PPFIA2: variants seen among roughly 807,000 people sequenced by gnomAD.
The protein encoded by PPFIA2 is PPFI scaffold protein A2, also known as liprin-alpha-2.
In PPFIA2, 46 loss-of-function variants were observed where a neutral mutation model predicts 175.5. That is an observed-to-expected ratio of 0.26 (90% CI 0.21 to 0.34). PPFIA2 has a LOEUF of 0.34. Ranked by LOEUF, PPFIA2 falls within the 10% of genes least tolerant of loss-of-function variation. PPFIA2 has a pLI of 1.00. For missense variants in PPFIA2, 1,179 were observed against 1,506.1 expected (o/e 0.78, Z 3.60); for synonymous variants, 568 against 511.4 (o/e 1.11, Z -1.49).
At chr12:81,482,565 G>A (rs139491693) in intron 4 of PPFIA2, among the ~76,000 whole-genome samples, 96 of 152,194 alleles carry the variant, frequency 6.3e-4, no homozygotes, top group African/African-American at 2.2e-3. Context: ...CCATAAAAAC[G>A]GATGAGTTCA....
Position 81,648,774 on chromosome 12 carries a change from T to C in PPFIA2, c.303+28017A>G, listed in dbSNP as rs1380654899. 5.3e-5 allele frequency among the ~76,000 whole-genome samples: 8 copies of C among 151,862 alleles called. No homozygotes were observed. The South Asian group carries it at 1.7e-3, about 32-fold the overall frequency. On this transcript the variant is annotated intron_variant, in intron 4 of 32. Coordinates refer to ENST00000549396, the MANE Select transcript of PPFIA2 (RefSeq NM_003625.5). ...AATTGCAGTAATAATGACTCTATTA[T>C]TGGCAAAAAGATAGACTTACAGATC...
chr12:81,646,194 C>T (rs992831915), intron 4 of PPFIA2, among the ~76,000 whole-genome samples: 1 of 152,156 alleles, frequency 6.6e-6, no homozygotes, highest in Non-Finnish European at 1.5e-5. Flanking sequence ...AAGACACCAA[C>T]TTAATTCCAG....
At chr12:81,578,343 A>G (rs918442490) in intron 4 of PPFIA2, among the ~76,000 whole-genome samples, 2 of 151,682 alleles carry the variant, frequency 1.3e-5, no homozygotes, top group Non-Finnish European at 2.9e-5. Flanking sequence ...TGAGGTTATC[A>G]ACCAAATTAG....
At chr12:81,737,830 A>G (rs1369509336) in intron 3 of PPFIA2, among the ~76,000 whole-genome samples, 1 of 151,994 alleles carries the variant, frequency 6.6e-6, no homozygotes, top group Non-Finnish European at 1.5e-5. Flanking sequence ...ACAGAGCAAT[A>G]AGGGGATGGA....
intron 4 of PPFIA2, among the ~76,000 whole-genome samples, chr12:81,527,082 T>G (rs1368382103): frequency 6.6e-6 from 1 of 152,174 alleles, no homozygotes; most frequent in African/African-American, 2.4e-5. Flanking sequence ...ATGCCAATGA[T>G]ACAATAAAAA....
intron 4 of PPFIA2, among the ~76,000 whole-genome samples, chr12:81,612,049 C>T (rs576407119): frequency 2.0e-4 from 30 of 152,154 alleles, no homozygotes; most frequent in Admixed American, 1.6e-3. Flanking sequence ...AGTCACATCT[C>T]CATCCACTAT....
chr12:81,519,494 C>A (rs1475691121), intron 4 of PPFIA2, among the ~76,000 whole-genome samples: 2 of 152,150 alleles, frequency 1.3e-5, no homozygotes, highest in East Asian at 1.9e-4. Flanking sequence ...TATAGAGAGA[C>A]CCACATTACA....
chr12:81,527,519 T>G (rs930015872), intron 4 of PPFIA2, among the ~76,000 whole-genome samples: 3 of 152,144 alleles, frequency 2.0e-5, no homozygotes, highest in Admixed American at 1.3e-4. Context: ...CTCAAATATA[T>G]GCATAGTTCC....
intron 4 of PPFIA2, among the ~76,000 whole-genome samples, chr12:81,459,687 T>C (rs116896723): frequency 0.083 from 12,636 of 152,192 alleles, 754 homozygotes; most frequent in Middle Eastern, 0.16. Context: ...GAGAAATTAG[T>C]GAAGATGTTA....
chr12:81,636,153 C>A (rs981901086), intron 4 of PPFIA2, among the ~76,000 whole-genome samples: 10 of 151,996 alleles, frequency 6.6e-5, no homozygotes, highest in Non-Finnish European at 1.5e-4. Flanking sequence ...TCAATAATAG[C>A]TTTTGATCCT....
At chr12:81,475,911 C>A (rs923224252) in intron 4 of PPFIA2, among the ~76,000 whole-genome samples, 1 of 152,110 alleles carries the variant, frequency 6.6e-6, no homozygotes, top group Non-Finnish European at 1.5e-5. Flanking sequence ...CGGGGTTTCA[C>A]CTTGTTAGCC....
chr12:81,594,566 G>T (rs2059038521), intron 4 of PPFIA2, among the ~76,000 whole-genome samples: 1 of 152,196 alleles, frequency 6.6e-6, no homozygotes, highest in East Asian at 1.9e-4. Context: ...TTTCCACAGA[G>T]AACTCATAAA....
At chr12:81,388,556 G>A (rs1394669233) in intron 8 of PPFIA2, among the ~76,000 whole-genome samples, 1 of 151,934 alleles carries the variant, frequency 6.6e-6, no homozygotes, top group African/African-American at 2.4e-5. Flanking sequence ...GGTTTATGGG[G>A]ATGTTCTTTA....
intron 4 of PPFIA2, among the ~76,000 whole-genome samples, chr12:81,630,905 T>C (rs1023128802): frequency 6.7e-6 from 1 of 149,658 alleles, no homozygotes; most frequent in Non-Finnish European, 1.5e-5. Context: ...ATATATTTTT[T>C]TTTTTTTTCC....
intron 3 of PPFIA2, among the ~76,000 whole-genome samples, chr12:81,694,193 A>T (rs1388886287): frequency 2.0e-5 from 3 of 152,168 alleles, no homozygotes; most frequent in African/African-American, 4.8e-5. Flanking sequence ...TTGCTAGAGA[A>T]ATTTGCATAA....
At chr12:81,745,252 G>A (rs1206646421) in intron 3 of PPFIA2, among the ~76,000 whole-genome samples, 4 of 152,138 alleles carry the variant, frequency 2.6e-5, no homozygotes. Flanking sequence ...CTAACCTAAA[G>A]TTTCTCCCCT....
chr12:81,588,048 T>A (rs886113974), intron 4 of PPFIA2, among the ~76,000 whole-genome samples: 26 of 152,026 alleles, frequency 1.7e-4, no homozygotes, highest in African/African-American at 6.0e-4. Flanking sequence ...CCCAATCTAG[T>A]GGTGCAGAGA....
intron 4 of PPFIA2, among the ~76,000 whole-genome samples, chr12:81,627,711 G>A (rs578055031): frequency 6.6e-6 from 1 of 152,096 alleles, no homozygotes; most frequent in African/African-American, 2.4e-5. Context: ...AGTTACCTAA[G>A]ACGCACATAT....
At chr12:81,527,863 G>A (rs2063922501) in intron 4 of PPFIA2, among the ~76,000 whole-genome samples, 1 of 152,076 alleles carries the variant, frequency 6.6e-6, no homozygotes, top group African/African-American at 2.4e-5. Flanking sequence ...CACCACCTAT[G>A]AATGAAAATC....
Sources: allele counts gnomAD v4.1 joint callset (sites outside exome capture counted in the v4.1 genomes callset), GRCh38; gene constraint gnomAD v4.1.1; transcripts MANE v1.5; gene names NCBI Gene and HGNC (gene_info 2026-07-23, HGNC 2026-07-21).